MIOS: variants seen among roughly 807,000 people sequenced by gnomAD.
MIOS encodes GATOR2 complex protein MIOS.
A neutral mutation model predicts 96.9 loss-of-function variants in MIOS; 52 were observed. The ratio of observed to expected loss-of-function variants is 0.54; its 90% CI spans 0.43 to 0.68. MIOS has a LOEUF of 0.68. MIOS is among the 30% of genes least tolerant of loss of function. MIOS has a pLI of 0.00. For synonymous variants in MIOS, 397 were observed against 359.5 expected, an observed-to-expected ratio of 1.10 and a Z score of -1.18; for missense variants, 1,005 against 1,052.8, an observed-to-expected ratio of 0.95 and a Z score of 0.63.
chr7:7,570,661 C>G (rs758786219), intron 3 of MIOS, among the ~76,000 whole-genome samples: 9 of 151,822 alleles, frequency 5.9e-5, no homozygotes, highest in African/African-American at 2.2e-4. Context: ...AGTGACAGAT[C>G]ATCAGGCATT....
intron 11 of MIOS, among the ~76,000 whole-genome samples, chr7:7,602,513 AC>A (rs1784409335): frequency 6.6e-6 from 1 of 152,186 alleles, no homozygotes; most frequent in African/African-American, 2.4e-5. Context: ...AATCCAACTT[AC>A]AAGGGATGTG....
At chr7:7,575,791 G>C (rs1055785138) in intron 5 of MIOS, among the ~76,000 whole-genome samples, 30 of 152,014 alleles carry the variant, frequency 2.0e-4, no homozygotes, top group African/African-American at 6.8e-4. Flanking sequence ...TCCCACCCCT[G>C]TGTCAAAATA....
At chr7:7,570,084 A>G (rs1241232607) in intron 3 of MIOS, among the ~76,000 whole-genome samples, 1 of 152,238 alleles carries the variant, frequency 6.6e-6, no homozygotes, top group African/African-American at 2.4e-5. Context: ...CTGGTATTCT[A>G]TAAAGCAAAA....
intron 11 of MIOS, among the ~76,000 whole-genome samples, chr7:7,599,341 A>G (rs563018479): frequency 2.6e-5 from 4 of 152,156 alleles, no homozygotes; most frequent in Admixed American, 6.5e-5. Context: ...CATATTTGCT[A>G]CTTTTTTCTA....
At chr7:7,591,960 T>C (rs913034372) in intron 9 of MIOS, among the ~76,000 whole-genome samples, 21 of 148,876 alleles carry the variant, frequency 1.4e-4, no homozygotes, top group Admixed American at 3.4e-4. Context: ...ATGTTTTTTT[T>C]CCCACTATTC....
At chr7:7,568,316 A>T (rs1158918870) in intron 3 of MIOS, among the ~76,000 whole-genome samples, 193 bp downstream of exon 3, 15 of 152,200 alleles carry the variant, frequency 9.9e-5, no homozygotes, top group Admixed American at 9.8e-4. Flanking sequence ...TGGAAATGGG[A>T]TAGATTTTAT....
intron 11 of MIOS, among the ~76,000 whole-genome samples, chr7:7,602,958 A>T (rs1319600207): frequency 6.6e-6 from 1 of 152,114 alleles, no homozygotes; most frequent in African/African-American, 2.4e-5. Flanking sequence ...TGAGAAAAAC[A>T]AGCAATGGGG....
intron 11 of MIOS, among the ~76,000 whole-genome samples, chr7:7,603,749 A>C (rs1275605955): frequency 6.6e-6 from 1 of 152,186 alleles, no homozygotes; most frequent in African/African-American, 2.4e-5. Context: ...GCTGCTATAA[A>C]GACACATGCA....
intron 5 of MIOS, among the ~76,000 whole-genome samples, chr7:7,579,308 T>C (rs898633618): frequency 6.6e-5 from 10 of 152,220 alleles, no homozygotes; most frequent in African/African-American, 9.6e-5. Flanking sequence ...AAATATGTGA[T>C]ACAATAACCA....
chr7:7,603,190 G>T, intron 11 of MIOS, among the ~76,000 whole-genome samples: 1 of 151,984 alleles, frequency 6.6e-6, no homozygotes, highest in African/African-American at 2.4e-5. Context: ...AAAAGCAATG[G>T]CAACAAAAGC....
At position 7,587,097 on chromosome 7, in the gene MIOS, A is replaced by G. The variant is rs139608725; in HGVS notation, c.1818+1292A>G. 1.2e-3 allele frequency among the ~76,000 whole-genome samples: 176 copies of G among 149,104 alleles called. 2 individuals carry two copies. In the East Asian group the frequency reaches 0.028, roughly 24 times the overall value. On this transcript the variant is annotated intron_variant, in intron 7 of 12. Coordinates refer to ENST00000340080, the MANE Select transcript of MIOS (RefSeq NM_019005.4). Reference sequence around the variant, plus strand: ...GCAATGGCAGCTCACTGCAACCTCCACCTCCTGGGTTTAAGTGATTCTTGT... The same window carrying G: ...GCAATGGCAGCTCACTGCAACCTCCGCCTCCTGGGTTTAAGTGATTCTTGT...
At chr7:7,601,020 G>A (rs991674344) in intron 11 of MIOS, among the ~76,000 whole-genome samples, 8 of 152,094 alleles carry the variant, frequency 5.3e-5, no homozygotes, top group Non-Finnish European at 1.2e-4. Flanking sequence ...TGAAACCAAC[G>A]AGAACAAAGA....
intron 5 of MIOS, among the ~76,000 whole-genome samples, chr7:7,577,840 T>C (rs936874100): frequency 7.9e-5 from 12 of 152,022 alleles, no homozygotes; most frequent in Non-Finnish European, 1.3e-4. Flanking sequence ...TTGAGAAATA[T>C]GGGAGGATTA....
chr7:7,572,992 T>C lies in MIOS; in HGVS notation c.517T>C (p.Leu173=). 3 of 1,614,078 alleles carry C rather than the reference T, an allele frequency of 1.9e-6. No individual in the cohort carries two copies. The South Asian group carries it at 3.3e-5, about 18-fold the overall frequency. ...LSAGETETTL[L]VTKPLYELGQ... ...AGCAGGTGAAACTGAAACAACATTA[T>C]TAGTAACAAAACCACTTTATGAGTT... Residue 173 remains leucine (L), a synonymous_variant, in exon 4 of 13, where the codon TTA becomes CTA. Transcript: ENST00000340080. The surrounding 1 kb of genome is among the most constrained non-coding windows in gnomAD (Gnocchi z 4.8).
At chr7:7,576,191 A>G (rs1375197801) in intron 5 of MIOS, among the ~76,000 whole-genome samples, 1 of 152,190 alleles carries the variant, frequency 6.6e-6, no homozygotes, top group African/African-American at 2.4e-5. Context: ...TTTTACAACT[A>G]CAATATGAAG....
chr7:7,606,946 T>C (rs1784548553), intron 12 of MIOS, 50 bp from the exon 13 acceptor site: 1 of 1,291,274 alleles, frequency 7.7e-7, no homozygotes, highest in African/African-American at 1.5e-5. Context: ...TAAATAAATG[T>C]ATGTCTGTCT....
intron 3 of MIOS, among the ~76,000 whole-genome samples, chr7:7,568,783 C>A (rs113406204): frequency 3.3e-5 from 5 of 152,198 alleles, no homozygotes; most frequent in African/African-American, 1.2e-4. Flanking sequence ...CTTCACTTTA[C>A]TCCTTTGTGA....
chr7:7,576,641 A>G (rs981550260), intron 5 of MIOS, among the ~76,000 whole-genome samples: 1 of 152,180 alleles, frequency 6.6e-6, no homozygotes, highest in African/African-American at 2.4e-5. Flanking sequence ...AAAGACTTAG[A>G]AATCATGTTA....
At position 7,596,477 on chromosome 7, in the gene MIOS, A is replaced by C. The variant is rs373713851; in HGVS notation, c.2401+16A>C. 2.2e-4 allele frequency: 347 copies of C among 1,600,702 alleles called. No individual in the cohort carries two copies. Among genetic ancestry groups the C allele is most frequent in the Non-Finnish European group, 2.8e-4 (329 of 1,168,708 alleles). ...AGCTGTCCTGGTATGACATAATTTT[A>C]CAAAATACTTTTATGAACTGAAATG... is the stretch of plus-strand genomic sequence containing the variant. On this transcript the variant is annotated intron_variant, in intron 11 of 12. Coordinates refer to ENST00000340080, the MANE Select transcript of MIOS (RefSeq NM_019005.4).
Sources: gnomAD v4.1 joint callset for allele counts (sites outside exome capture counted in the v4.1 genomes callset) on GRCh38, gnomAD v4.1.1 for gene constraint, Gnocchi (gnomAD v3.1) non-coding constraint, MANE v1.5 for transcripts, NCBI Gene and HGNC (gene_info 2026-07-23, HGNC 2026-07-21) for gene names.